HERC1: variants seen among roughly 807,000 people sequenced by gnomAD.
The protein encoded by HERC1 is probable E3 ubiquitin-protein ligase HERC1.
A neutral mutation model predicts 554.3 loss-of-function variants in HERC1; 160 were observed. That is an observed-to-expected ratio of 0.29 (90% CI 0.25 to 0.33). The LOEUF (loss-of-function observed/expected upper bound fraction) is 0.33, where lower values mean the gene tolerates loss of function less well. HERC1 is among the 10% of genes least tolerant of loss of function. HERC1 has a pLI of 1.00. For synonymous variants in HERC1, 2,175 were observed against 2,131.7 expected (o/e 1.02, Z -0.56); for missense variants, 4,919 against 5,918.5 (o/e 0.83, Z 5.54).
intron 1 of HERC1, among the ~76,000 whole-genome samples, chr15:63,787,387 C>A (rs1307107140): frequency 6.6e-6 from 1 of 151,762 alleles, no homozygotes; most frequent in Non-Finnish European, 1.5e-5. Context: ...AAACGCCTGA[C>A]CTCAGGTGAT....
chr15:63,802,728 C>A (rs927889828), intron 1 of HERC1, among the ~76,000 whole-genome samples: 4 of 152,158 alleles, frequency 2.6e-5, no homozygotes, highest in African/African-American at 9.7e-5. Context: ...ATCAGCACTA[C>A]AACTATCTTT....
At chr15:63,833,649 A>C (rs2078235844) in intron 1 of HERC1, among the ~76,000 whole-genome samples, 178 bp downstream of exon 1, 1 of 151,420 alleles carries the variant, frequency 6.6e-6, no homozygotes, top group African/African-American at 2.4e-5. Context: ...GGGCTCCCCC[A>C]GCTCGCCTGC....
At chr15:63,650,268 T>C (rs908540469) in intron 53 of HERC1, among the ~76,000 whole-genome samples, 5 of 151,986 alleles carry the variant, frequency 3.3e-5, no homozygotes, top group Non-Finnish European at 7.4e-5. Flanking sequence ...TGGCCAGGCA[T>C]GGTGGCACGC....
At chr15:63,811,624 A>G (rs1027719084) in intron 1 of HERC1, among the ~76,000 whole-genome samples, 2 of 151,918 alleles carry the variant, frequency 1.3e-5, no homozygotes, top group South Asian at 2.1e-4. Context: ...CCTGGCTAAC[A>G]TGGTGAAACC....
chr15:63,627,674 GAAAA>G (rs534164130), intron 70 of HERC1, among the ~76,000 whole-genome samples: 1 of 94,556 alleles, frequency 1.1e-5, no homozygotes, highest in Non-Finnish European at 2.2e-5. Context: ...ACTCTGTCTC[GAAAA>G]AAAAAAAAAA....
chr15:63,687,294 A>T (rs62014215), intron 33 of HERC1, among the ~76,000 whole-genome samples: 1 of 152,000 alleles, frequency 6.6e-6, no homozygotes, highest in Non-Finnish European at 1.5e-5. Context: ...AATCCCAGCA[A>T]TTTGAGAGAC....
At chr15:63,705,430 C>A (rs1368090205) in intron 25 of HERC1, among the ~76,000 whole-genome samples, 1 of 151,952 alleles carries the variant, frequency 6.6e-6, no homozygotes, top group Non-Finnish European at 1.5e-5. Context: ...TCTTTCTATT[C>A]TAATTGTAAT....
intron 2 of HERC1, among the ~76,000 whole-genome samples, chr15:63,768,652 C>T (rs539205621): frequency 6.6e-6 from 1 of 152,144 alleles, no homozygotes; most frequent in Non-Finnish European, 1.5e-5. Context: ...GGAGCTGGCA[C>T]CAGGGCCATC....
chr15:63,675,107 A>C lies in HERC1; in HGVS notation c.7081T>G (p.Phe2361Val). The change falls in exon 38 of 78, where the codon TTT (phenylalanine) becomes GTT (valine). Residue 2361 changes from phenylalanine to valine, a missense_variant. Coordinates refer to ENST00000443617, the MANE Select transcript of HERC1 (RefSeq NM_003922.4). ...AATGGAGTATCACTAGGCGACCAAA[A>C]AGTTGGGAAGCTTTAATAAAGATCA... The part of the protein sequence containing the change: ...EAEITISFPT[F>V]WSPSDTPLYN... 1.3e-6 allele frequency: 2 copies of C among 1,583,154 alleles called. No homozygotes were observed. The highest frequency in any genetic ancestry group is 1.7e-6 in the Non-Finnish European group (2 of 1,162,922).
rs1312646307 is a variant in HERC1, at chr15:63,756,874, G to A, written c.1222-126C>T. The A allele has an allele frequency of 1.6e-6, 1 of 614,400 alleles. No homozygotes were observed. Among genetic ancestry groups the A allele is most frequent in the East Asian group, 2.8e-5 (1 of 35,826 alleles). 38.1% of individuals were successfully genotyped at this position (614,400 alleles called of 1,614,324 possible). Reference sequence around the variant, plus strand: ...AGGATACGGCATGATTCTCCAGAGAGATTAAGGAATATACAGAAATCTAAG... The same window carrying A: ...AGGATACGGCATGATTCTCCAGAGAAATTAAGGAATATACAGAAATCTAAG... On this transcript the variant is annotated intron_variant, in intron 4 of 77. Transcript: ENST00000443617. The surrounding 1 kb of genome is among the most constrained non-coding windows in gnomAD (Gnocchi z 5.0).
Position 63,658,932 on chromosome 15 carries a change from T to C in HERC1, c.9425-214A>G, listed in dbSNP as rs1204895511. On this transcript the variant is annotated intron_variant, in intron 47 of 77. Coordinates refer to ENST00000443617, the MANE Select transcript of HERC1 (RefSeq NM_003922.4). ...AACTTAGATATTTCTATGTTAACAA[T>C]GTATTTACCATAGGAGTATTTATAC... Among the ~76,000 whole-genome samples the C allele has an allele frequency of 3.3e-5, 5 of 152,256 alleles. No homozygotes were observed. The South Asian group carries it at 1.0e-3, about 31-fold the overall frequency.
At chr15:63,732,107 T>A (rs78501075) in intron 14 of HERC1, among the ~76,000 whole-genome samples, 42,748 of 151,610 alleles carry the variant, frequency 0.28, 6,629 homozygotes, top group Middle Eastern at 0.4. Flanking sequence ...TTCAAGCAAC[T>A]CTCCCACCTC....
intron 52 of HERC1, among the ~76,000 whole-genome samples, chr15:63,651,610 C>T (rs978411271): frequency 1.1e-4 from 17 of 152,112 alleles, no homozygotes; most frequent in Admixed American, 9.2e-4. Context: ...TAATGTAGTA[C>T]ACAACTTGTC....
At chr15:63,779,080 A>G (rs555562208) in intron 1 of HERC1, among the ~76,000 whole-genome samples, 2 of 152,214 alleles carry the variant, frequency 1.3e-5, no homozygotes, top group South Asian at 4.2e-4. Context: ...ACTCAATGAC[A>G]TAAAGAAAAA....
intron 55 of HERC1, among the ~76,000 whole-genome samples, chr15:63,646,179 CT>C (rs1213651507): frequency 6.6e-6 from 1 of 152,124 alleles, no homozygotes; most frequent in Non-Finnish European, 1.5e-5. Flanking sequence ...CATCTTCTAA[CT>C]CCTGGTTTCA....
Position 63,674,940 on chromosome 15 carries a change from C to T in HERC1, c.7248G>A (p.Lys2416=). The change falls in exon 38 of 78, where the codon AAG becomes AAA. Residue 2416 remains lysine (K), a synonymous_variant. Coordinates refer to ENST00000443617, the MANE Select transcript of HERC1 (RefSeq NM_003922.4). ...TCTCCTCGGATTCATGTCGGTGTTT[C>T]TTTTCATGTCGTTTGGTGCTCTGTT... ...MGKQSTKRHE[K]KHRHESEEKG... 1 of 1,614,000 alleles carries T rather than the reference C, an allele frequency of 6.2e-7. No homozygotes were observed. Among genetic ancestry groups the T allele is most frequent in the East Asian group, 2.2e-5 (1 of 44,890 alleles).
At chr15:63,627,426 C>T (rs1446372722) in intron 70 of HERC1, among the ~76,000 whole-genome samples, 1 of 152,126 alleles carries the variant, frequency 6.6e-6, no homozygotes, top group Admixed American at 6.5e-5. Flanking sequence ...AATCCCAGCA[C>T]TTTGGGACGC....
Position 63,632,324 on chromosome 15 carries a change from T to C in HERC1, c.12796+385A>G, listed in dbSNP as rs2068597636. The C allele has an allele frequency of 2.1e-5, 5 of 242,036 alleles. No homozygotes were observed. In the South Asian group the frequency reaches 2.5e-4, roughly 12 times the overall value. 15.0% of individuals were successfully genotyped at this position (242,036 alleles called of 1,614,324 possible). A position where few individuals can be genotyped will look rare whatever the true frequency, so the allele number is the denominator to read the frequency against. The stretch of plus-strand genomic sequence containing the variant: ...GATTTGAACCCAGAGTGCCTATGAA[T>C]TCCTCCAGTTCCTAAGATCTGCAGC... On this transcript the variant is annotated intron_variant, in intron 68 of 77. Coordinates refer to ENST00000443617, the MANE Select transcript of HERC1 (RefSeq NM_003922.4).
chr15:63,674,330 C>G lies in HERC1; in HGVS notation c.7846+12G>C. ...GCACAAAAGCAAAAAAAAAAAAAAT[C>G]AGATAACATACCTTGCTTAATTTTG... On this transcript the variant is annotated intron_variant, in intron 38 of 77. Coordinates refer to ENST00000443617, the MANE Select transcript of HERC1 (RefSeq NM_003922.4). 1 of 1,504,404 alleles carries G rather than the reference C, an allele frequency of 6.6e-7. No individual in the cohort carries two copies. The highest frequency in any genetic ancestry group is 8.9e-7 in the Non-Finnish European group (1 of 1,121,310). 93.2% of individuals were successfully genotyped at this position (1,504,404 alleles called of 1,614,324 possible).
Sources: allele counts gnomAD v4.1 joint callset (sites outside exome capture counted in the v4.1 genomes callset), GRCh38; gene constraint gnomAD v4.1.1; non-coding constraint Gnocchi (gnomAD v3.1); transcripts MANE v1.5; gene names NCBI Gene and HGNC (gene_info 2026-07-23, HGNC 2026-07-21).